The following MAPK10 variants were observed in gnomAD, a reference collection of about 807,000 sequenced individuals.
MAPK10 encodes the protein mitogen-activated protein kinase 10.
Under a neutral mutation model 59.3 loss-of-function variants are expected in MAPK10, and 25 were observed. The observed-to-expected ratio is 0.42, with a 90% CI of 0.31 to 0.59. The LOEUF (loss-of-function observed/expected upper bound fraction) is 0.59. Among genes scored for constraint, MAPK10 ranks in the 20% least tolerant of loss-of-function variants. The pLI is 0.15. For missense variants in MAPK10, 351 were observed against 568.9 expected (o/e 0.62, Z 3.90); for synonymous variants, 190 against 200.5 (o/e 0.95, Z 0.44).
intron 6 of MAPK10, among the ~76,000 whole-genome samples, chr4:86,102,665 T>G (rs185923687): frequency 4.6e-5 from 7 of 152,142 alleles, no homozygotes; most frequent in African/African-American, 1.7e-4. Flanking sequence ...GGACTACAGG[T>G]GCATGCCACC....
At chr4:86,547,351 G>C (rs932501008) in intron 1 of MAPK10, among the ~76,000 whole-genome samples, 15 of 152,246 alleles carry the variant, frequency 9.9e-5, no homozygotes, top group Non-Finnish European at 1.9e-4. Flanking sequence ...AGGACTGCGC[G>C]AGTTCCGGGT....
At chr4:86,215,374 A>G (rs76893206) in intron 2 of MAPK10, among the ~76,000 whole-genome samples, 2,408 of 152,310 alleles carry the variant, frequency 0.016, 76 homozygotes, top group African/African-American at 0.055. Flanking sequence ...ATATAACATG[A>G]AAGACACAAG....
At chr4:86,213,864 A>G (rs528039112) in intron 2 of MAPK10, among the ~76,000 whole-genome samples, 1 of 152,212 alleles carries the variant, frequency 6.6e-6, no homozygotes, top group African/African-American at 2.4e-5. Context: ...TTACAGACTC[A>G]TTCTATGAGA....
At chr4:86,505,314 TA>T (rs1755657025) in intron 1 of MAPK10, among the ~76,000 whole-genome samples, 1 of 152,140 alleles carries the variant, frequency 6.6e-6, no homozygotes, top group African/African-American at 2.4e-5. Flanking sequence ...AAGTTTAAAT[TA>T]TTTTTTAAAA....
At chr4:86,299,983 C>G (rs1477495924) in intron 2 of MAPK10, among the ~76,000 whole-genome samples, 1 of 152,050 alleles carries the variant, frequency 6.6e-6, no homozygotes, top group African/African-American at 2.4e-5. Context: ...ACCTCTGCCT[C>G]CTAGGTTCAA....
chr4:86,206,560 C>T (rs1428465496), intron 2 of MAPK10, among the ~76,000 whole-genome samples: 20 of 152,110 alleles, frequency 1.3e-4, no homozygotes, highest in Non-Finnish European at 2.5e-4. Flanking sequence ...GGTATATACC[C>T]AGTAATGGGA....
intron 2 of MAPK10, among the ~76,000 whole-genome samples, chr4:86,305,839 C>T (rs1318131651): frequency 6.8e-6 from 1 of 147,424 alleles, no homozygotes; most frequent in East Asian, 2.0e-4. Flanking sequence ...AAAAAAAAAT[C>T]AAAACAGACA....
chr4:86,369,831 A>G (rs905745494), intron 1 of MAPK10, among the ~76,000 whole-genome samples: 1 of 152,238 alleles, frequency 6.6e-6, no homozygotes, highest in Non-Finnish European at 1.5e-5. Flanking sequence ...AAAGCTTATT[A>G]GAAATATGTA....
At chr4:86,394,730 G>C (rs1742686686) in intron 1 of MAPK10, among the ~76,000 whole-genome samples, 2 of 152,144 alleles carry the variant, frequency 1.3e-5, no homozygotes, top group Admixed American at 1.3e-4. Flanking sequence ...TCTTGAGTAG[G>C]ATCTCATTTA....
intron 2 of MAPK10, among the ~76,000 whole-genome samples, chr4:86,221,964 C>T (rs186607778): frequency 7.2e-5 from 11 of 152,136 alleles, no homozygotes; most frequent in Non-Finnish European, 1.0e-4. Flanking sequence ...GTACATAGAA[C>T]CTCCCCCTCT....
chr4:86,477,240 G>A (rs1423354094), intron 1 of MAPK10, among the ~76,000 whole-genome samples: 2 of 152,072 alleles, frequency 1.3e-5, no homozygotes, highest in African/African-American at 4.8e-5. Flanking sequence ...GGTATTGACA[G>A]CCAGGCTTCT....
intron 2 of MAPK10, among the ~76,000 whole-genome samples, chr4:86,329,216 G>A (rs890449971): frequency 2.0e-5 from 3 of 152,092 alleles, no homozygotes; most frequent in Non-Finnish European, 4.4e-5. Context: ...TTCTGTTATA[G>A]AAGCACAAAA....
At chr4:86,489,886 A>C (rs547052251) in intron 1 of MAPK10, among the ~76,000 whole-genome samples, 10 of 152,268 alleles carry the variant, frequency 6.6e-5, no homozygotes, top group Admixed American at 2.6e-4. Flanking sequence ...TTCTCTGAAC[A>C]CTTAAGCTCT....
chr4:86,560,285 T>C (rs1191239472), intron 1 of MAPK10, among the ~76,000 whole-genome samples: 1 of 152,174 alleles, frequency 6.6e-6, no homozygotes, highest in African/African-American at 2.4e-5. Context: ...CAAACCTCAA[T>C]TGGTGGATAT....
intron 2 of MAPK10, among the ~76,000 whole-genome samples, chr4:86,259,844 C>A (rs1194165146): frequency 6.6e-6 from 1 of 152,052 alleles, no homozygotes; most frequent in East Asian, 1.9e-4. Flanking sequence ...ATAAACCATA[C>A]ATTTATAATT....
intron 1 of MAPK10, chr4:86,358,787 C>T (rs1042648383): frequency 6.6e-6 from 1 of 152,088 alleles, no homozygotes; most frequent in South Asian, 2.1e-4. Context: ...TAGATTCTAA[C>T]AAATATACTG....
At chr4:86,548,317 CACATCCGA>C (rs1449594890) in intron 1 of MAPK10, among the ~76,000 whole-genome samples, 2 of 152,136 alleles carry the variant, frequency 1.3e-5, no homozygotes, top group Admixed American at 1.3e-4. Context: ...AAACTCCAAA[CACATCCGA>C]ACATCAGAAC....
chr4:86,054,182 AAATTAAGAT>A, intron 11 of MAPK10, among the ~76,000 whole-genome samples: 1 of 152,346 alleles, frequency 6.6e-6, no homozygotes, highest in African/African-American at 2.4e-5. Context: ...CAATGAATTA[AAATTAAGAT>A]GAACCTTTCT....
At position 86,551,362 on chromosome 4, in the gene MAPK10, A is replaced by T. The variant is rs117482625; in HGVS notation, c.-263+42548T>A. On this transcript the variant is annotated intron_variant, in intron 1 of 4. Transcript: ENST00000502302. ...ATGAGATGAAAGAATTTTGGCTGTG[A>T]TTTTAGGAACTGCCTTTACTCAATG... Among the ~76,000 whole-genome samples, 138 of 152,332 alleles carry T rather than the reference A, an allele frequency of 9.1e-4. 2 individuals carry two copies. The East Asian group carries it at 0.02, about 22-fold the overall frequency.
Sources: gnomAD v4.1 joint callset for allele counts (sites outside exome capture counted in the v4.1 genomes callset) on GRCh38, gnomAD v4.1.1 for gene constraint, MANE v1.5 for transcripts, NCBI Gene and HGNC (gene_info 2026-07-23, HGNC 2026-07-21) for gene names.